AVL9: variants seen among roughly 807,000 people sequenced by gnomAD.
AVL9 encodes the protein AVL9 cell migration associated.
Under a neutral mutation model 79.2 loss-of-function variants are expected in AVL9, and 49 were observed. The ratio of observed to expected loss-of-function variants is 0.62; its 90% CI spans 0.49 to 0.79. The LOEUF (loss-of-function observed/expected upper bound fraction) is 0.79, where lower values mean the gene tolerates loss of function less well. AVL9 is among the 30% of genes least tolerant of loss of function. The pLI is 0.00. For synonymous variants in AVL9, 299 were observed against 280.6 expected, an observed-to-expected ratio of 1.07 and a Z score of -0.65; for missense variants, 682 against 776.8, an observed-to-expected ratio of 0.88 and a Z score of 1.45.
chr7:32,576,449 T>C (rs1583602350), intron 13 of AVL9, among the ~76,000 whole-genome samples: 2 of 152,162 alleles, frequency 1.3e-5, no homozygotes, highest in African/African-American at 2.4e-5. Flanking sequence ...ACTGCATGAG[T>C]AAAATTAGGA....
At chr7:32,502,213 A>C (rs1180097266) in intron 1 of AVL9, among the ~76,000 whole-genome samples, 1 of 151,918 alleles carries the variant, frequency 6.6e-6, no homozygotes, top group Admixed American at 6.6e-5. Context: ...AAAAGTAAAA[A>C]AATTAGCCAG....
At chr7:32,567,432 A>G (rs538399329) in intron 10 of AVL9, among the ~76,000 whole-genome samples, 1 of 152,178 alleles carries the variant, frequency 6.6e-6, no homozygotes, top group African/African-American at 2.4e-5. Context: ...GCTGTTTTGA[A>G]CTATTTTAAA....
In AVL9 at chr7:32,554,566, C is replaced by A; in HGVS notation, c.579C>A (p.Ile193=). ...TTTTTTTCCTTTTGCAGGTCTTAAT[C>A]CTATTTAAGCTAATTCTTCTTGAAA... ...LVLHFRHKVL[I]LFKLILLEKK... Residue 193 remains isoleucine, a synonymous_variant, in exon 8 of 16, where the codon ATC becomes ATA. Transcript: ENST00000318709. 1 of 1,521,040 alleles carries A rather than the reference C, an allele frequency of 6.6e-7. No homozygotes were observed. The highest frequency in any genetic ancestry group is 8.9e-7 in the Non-Finnish European group (1 of 1,121,120). The allele number at this position is 1,521,040 out of a possible 1,614,324, so 94.2% of individuals were successfully genotyped here. A position where few individuals can be genotyped will look rare whatever the true frequency, so the allele number is the denominator to read the frequency against.
intron 1 of AVL9, among the ~76,000 whole-genome samples, chr7:32,516,818 A>G (rs1218538496): frequency 6.6e-6 from 1 of 151,372 alleles, no homozygotes; most frequent in African/African-American, 2.4e-5. Flanking sequence ...AAAAACAAGG[A>G]GAATGACTCC....
rs1789296371 is a variant in AVL9, at chr7:32,543,159, C to G, written c.112C>G (p.Pro38Ala). The G allele has an allele frequency of 1.9e-6, 3 of 1,614,120 alleles. No homozygotes were observed. Among genetic ancestry groups the G allele is most frequent in the Non-Finnish European group, 2.5e-6 (3 of 1,180,016 alleles). The change falls in exon 2 of 16, where the codon CCC becomes GCC. Residue 38 changes from proline (P) to alanine (A), a missense_variant. By Grantham distance (27) the Pro-to-Ala change is conservative. Transcript: ENST00000318709. ...ATTTTAGGTTGAATTCTCTTACCCG[C>G]CCCTGATTCCAGGAGATGGACATGA... The part of the protein sequence containing the change: ...KGCQVEFSYP[P>A]LIPGDGHDSH...
chr7:32,580,149 T>C, intron 13 of AVL9, 70 bp from the exon 14 acceptor site: 1 of 1,229,232 alleles, frequency 8.1e-7, no homozygotes, highest in African/African-American at 1.5e-5. Flanking sequence ...ACTAATATTT[T>C]CTTGTGATAA....
At chr7:32,509,267 C>T (rs1162823997) in intron 1 of AVL9, among the ~76,000 whole-genome samples, 2 of 151,942 alleles carry the variant, frequency 1.3e-5, no homozygotes, top group East Asian at 3.9e-4. Flanking sequence ...TTCTGGAATT[C>T]TAGGATGAAG....
Position 32,544,754 on chromosome 7 carries a change from C to T in AVL9, c.275C>T (p.Ser92Phe). The T allele has an allele frequency of 6.2e-7, 1 of 1,613,738 alleles. No homozygotes were observed. Among genetic ancestry groups the T allele is most frequent in the Non-Finnish European group, 8.5e-7 (1 of 1,179,852 alleles). Reference sequence around the variant, plus strand: ...AATGGAGCCACAGTATTTGGTATCTCTTGCTATCGACAAATTGAAGCCAAG... The same window carrying T: ...AATGGAGCCACAGTATTTGGTATCTTTTGCTATCGACAAATTGAAGCCAAG... ...NGNGATVFGISCYRQIEAKAL... is the reference protein window; with the variant it reads ...NGNGATVFGIFCYRQIEAKAL... The change falls in exon 3 of 16, where the codon TCT becomes TTT. Residue 92 changes from serine (S) to phenylalanine (F), a missense_variant. Ser to Phe is a radical substitution (Grantham distance 155). Transcript: ENST00000318709.
At chr7:32,583,326 A>G (rs747676528) in intron 15 of AVL9, among the ~76,000 whole-genome samples, 3 of 152,222 alleles carry the variant, frequency 2.0e-5, no homozygotes, top group Non-Finnish European at 1.5e-5. Flanking sequence ...AGACATTCCC[A>G]TGGAAAGGGA....
chr7:32,499,047 C>T (rs538025163), intron 1 of AVL9, among the ~76,000 whole-genome samples: 28 of 138,556 alleles, frequency 2.0e-4, no homozygotes, highest in African/African-American at 6.9e-4. Flanking sequence ...CCTGTGATCC[C>T]AGCTACTTGG....
At chr7:32,526,507 G>C (rs1788406444) in intron 1 of AVL9, among the ~76,000 whole-genome samples, 1 of 152,070 alleles carries the variant, frequency 6.6e-6, no homozygotes, top group African/African-American at 2.4e-5. Flanking sequence ...GTTTGCACAG[G>C]GACAGAGGGG....
intron 10 of AVL9, among the ~76,000 whole-genome samples, chr7:32,564,353 A>G (rs538832425): frequency 1.3e-5 from 2 of 152,336 alleles, no homozygotes; most frequent in Non-Finnish European, 2.9e-5. Flanking sequence ...TCATGTCAGT[A>G]ACTTTGGAAT....
intron 2 of AVL9, among the ~76,000 whole-genome samples, chr7:32,543,963 C>G (rs1055599892): frequency 2.0e-5 from 3 of 150,516 alleles, no homozygotes; most frequent in African/African-American, 7.3e-5. Context: ...GTTGCCCAGG[C>G]TGGTCTCAAA....
intron 10 of AVL9, among the ~76,000 whole-genome samples, chr7:32,561,410 G>A (rs902213106): frequency 2.0e-5 from 3 of 152,176 alleles, no homozygotes; most frequent in Admixed American, 1.3e-4. Context: ...TATAGAGACG[G>A]CTTCTTAAAC....
chr7:32,503,328 A>C (rs979220129), intron 1 of AVL9, among the ~76,000 whole-genome samples: 5 of 111,270 alleles, frequency 4.5e-5, no homozygotes, highest in African/African-American at 1.7e-4. Context: ...AGATATATAT[A>C]TATATCTATA....
At position 32,551,404 on chromosome 7, in the gene AVL9, C is replaced by G. The variant is rs758275867; in HGVS notation, c.443C>G (p.Ser148Cys). 2.5e-6 allele frequency: 4 copies of G among 1,606,556 alleles called. No homozygotes were observed. In the African/African-American group the frequency reaches 5.4e-5, roughly 21 times the overall value. ...THAYFEEKDF[S>C]QISILKELYE... ...GCATATTTTGAAGAGAAGGATTTTT[C>G]CCAAATTTCTATTCTAAAGGTAACT... Residue 148 changes from serine to cysteine, a missense_variant, in exon 5 of 16, where the codon TCC becomes TGC. Transcript: ENST00000318709.
In AVL9 at chr7:32,544,309, C is replaced by T. The variant is rs189012448; in HGVS notation, c.215-385C>T. ...GTAATTTCATAATACTATCTAACAT[C>T]CAATCTGTGTTCAAATTTTCTCAGT... is the stretch of plus-strand genomic sequence containing the variant. On this transcript the variant is annotated intron_variant, in intron 2 of 15. Transcript: ENST00000318709. Among the ~76,000 whole-genome samples, 378 of 152,262 alleles carry T rather than the reference C, an allele frequency of 2.5e-3. 6 individuals carry two copies. In the Middle Eastern group the frequency reaches 0.037, roughly 15 times the overall value.
chr7:32,564,902 T>A (rs1223375319), intron 10 of AVL9, among the ~76,000 whole-genome samples: 4 of 152,184 alleles, frequency 2.6e-5, no homozygotes, highest in Non-Finnish European at 5.9e-5. Flanking sequence ...ATTTGTGCTC[T>A]GCTGCTCCAT....
intron 1 of AVL9, among the ~76,000 whole-genome samples, chr7:32,520,207 T>C (rs185906752): frequency 4.2e-4 from 64 of 152,248 alleles, no homozygotes; most frequent in African/African-American, 1.4e-3. Context: ...AAGAAGATAG[T>C]TGATGCATGG....
Sources: gnomAD v4.1 joint callset for allele counts (sites outside exome capture counted in the v4.1 genomes callset) on GRCh38, gnomAD v4.1.1 for gene constraint, MANE v1.5 for transcripts, NCBI Gene and HGNC (gene_info 2026-07-23, HGNC 2026-07-21) for gene names.